The following STEAP1B variants were observed in gnomAD, a reference collection of about 807,000 sequenced individuals.
The protein encoded by STEAP1B is STEAP family protein MGC87042.
STEAP1B carries 13 observed loss-of-function variants against 27.9 expected under a neutral mutation model. The ratio of observed to expected loss-of-function variants is 0.47; its 90% CI spans 0.30 to 0.74. STEAP1B has a LOEUF of 0.74. Among genes scored for constraint, STEAP1B ranks in the 30% least tolerant of loss-of-function variants. STEAP1B has a pLI of 0.06. For synonymous variants in STEAP1B, 86 were observed against 107.1 expected, an observed-to-expected ratio of 0.80 and a Z score of 1.22; for missense variants, 250 against 298.7, an observed-to-expected ratio of 0.84 and a Z score of 1.20.
chr7:22,454,868 T>TA (rs58286026), intron 4 of STEAP1B, among the ~76,000 whole-genome samples: 1 of 78,630 alleles, frequency 1.3e-5, no homozygotes, highest in African/African-American at 4.9e-5. Context: ...TATATATATT[T>TA]TTTTTTTTTT....
At chr7:22,499,714 C>T (rs573647294) in intron 1 of STEAP1B, among the ~76,000 whole-genome samples, 4 of 152,348 alleles carry the variant, frequency 2.6e-5, no homozygotes, top group African/African-American at 9.6e-5. Context: ...CGAGAAGTAG[C>T]ACGATTTTAA....
intron 4 of STEAP1B, among the ~76,000 whole-genome samples, chr7:22,461,543 G>A (rs564047023): frequency 9.2e-5 from 14 of 152,296 alleles, no homozygotes; most frequent in East Asian, 1.9e-4. Context: ...GATTATAGGC[G>A]TGAGCCACTG....
chr7:22,454,968 T>A (rs1229007884), intron 4 of STEAP1B, among the ~76,000 whole-genome samples: 1 of 151,556 alleles, frequency 6.6e-6, no homozygotes, highest in Admixed American at 6.6e-5. Context: ...GTTCAAGTGA[T>A]TCTTCTGCCT....
At chr7:22,459,952 T>C (rs1010009202) in intron 4 of STEAP1B, among the ~76,000 whole-genome samples, 2 of 152,180 alleles carry the variant, frequency 1.3e-5, no homozygotes, top group African/African-American at 4.8e-5. Context: ...TTCAGGTTGG[T>C]GGCCTGTGGA....
chr7:22,472,666 T>C (rs1785904910), intron 4 of STEAP1B, among the ~76,000 whole-genome samples: 1 of 152,238 alleles, frequency 6.6e-6, no homozygotes, highest in African/African-American at 2.4e-5. Flanking sequence ...GGCAGAGTTC[T>C]GGTGGTGAAA....
At chr7:22,468,720 A>T (rs1785829249) in intron 4 of STEAP1B, among the ~76,000 whole-genome samples, 1 of 152,244 alleles carries the variant, frequency 6.6e-6, no homozygotes, top group Non-Finnish European at 1.5e-5. Context: ...TTGCATAATG[A>T]TGTTCAGACA....
Position 22,442,220 on chromosome 7 carries a change from A to G in STEAP1B, c.763-22384T>C, listed in dbSNP as rs148239046. On this transcript the variant is annotated intron_variant, in intron 4 of 4. Coordinates refer to ENST00000678116, the MANE Select transcript of STEAP1B (RefSeq NM_001382447.1). ...GGAAGTGCCTACCACACAGCTTCAT[A>G]TTCATAGCCCAGGACTGAAAGGTTC... Among the ~76,000 whole-genome samples, 504 of 152,362 alleles carry G rather than the reference A, an allele frequency of 3.3e-3. 3 individuals are homozygous for G. Among genetic ancestry groups the G allele is most frequent in the African/African-American group, 0.012 (489 of 41,592 alleles).
At chr7:22,451,125 A>C (rs143473101) in intron 4 of STEAP1B, among the ~76,000 whole-genome samples, 11 of 152,162 alleles carry the variant, frequency 7.2e-5, no homozygotes, top group African/African-American at 2.7e-4. Context: ...TAAACCCAGG[A>C]GGCAGAGATT....
At chr7:22,463,702 G>C (rs1246001289) in intron 4 of STEAP1B, among the ~76,000 whole-genome samples, 1 of 152,086 alleles carries the variant, frequency 6.6e-6, no homozygotes, top group Non-Finnish European at 1.5e-5. Flanking sequence ...ACAAGCAATG[G>C]GGAAAGGATT....
intron 4 of STEAP1B, among the ~76,000 whole-genome samples, chr7:22,466,662 G>A (rs1195753141): frequency 1.3e-5 from 2 of 152,176 alleles, no homozygotes; most frequent in African/African-American, 4.8e-5. Flanking sequence ...CACAAGGACA[G>A]GCAAAACTCA....
intron 4 of STEAP1B, 60 bp from the exon 5 acceptor site, chr7:22,419,896 A>G (rs1431996924): frequency 1.3e-6 from 2 of 1,488,978 alleles, no homozygotes; most frequent in East Asian, 5.2e-5. Flanking sequence ...CACTATATTA[A>G]TTTGCGTCCA....
chr7:22,468,484 G>C (rs1785824592), intron 4 of STEAP1B, among the ~76,000 whole-genome samples: 1 of 152,126 alleles, frequency 6.6e-6, no homozygotes, highest in Non-Finnish European at 1.5e-5. Flanking sequence ...AAATCATTTG[G>C]CAGCTTTTTA....
intron 4 of STEAP1B, among the ~76,000 whole-genome samples, chr7:22,478,791 T>A (rs1786017361): frequency 6.6e-6 from 1 of 152,212 alleles, no homozygotes; most frequent in Non-Finnish European, 1.5e-5. Flanking sequence ...GCGACTACTT[T>A]GGGTCTTGTT....
chr7:22,419,580 A>T lies in STEAP1B; in HGVS notation c.*224T>A. On this transcript the variant is annotated 3_prime_UTR_variant, in exon 5 of 5. Transcript: ENST00000678116. The stretch of plus-strand genomic sequence containing the variant: ...GTAACAACCAACACAATCTCAGTGG[A>T]TTAGCACAACACATATGGACTTTTT... 2.6e-6 allele frequency: 1 copy of T among 392,128 alleles called. No individual in the cohort carries two copies. Among genetic ancestry groups the T allele is most frequent in the Non-Finnish European group, 4.6e-6 (1 of 218,122 alleles). The allele number at this position is 392,128 out of a possible 1,614,324, so 24.3% of individuals were successfully genotyped here. A position where few individuals can be genotyped will look rare whatever the true frequency, so the allele number is the denominator to read the frequency against.
intron 4 of STEAP1B, among the ~76,000 whole-genome samples, chr7:22,453,198 G>C (rs1785518610): frequency 6.6e-6 from 1 of 152,138 alleles, no homozygotes; most frequent in African/African-American, 2.4e-5. Context: ...GAAACTCTCT[G>C]CCATAGTCTA....
chr7:22,445,348 G>A (rs1015441732), intron 4 of STEAP1B, among the ~76,000 whole-genome samples: 2 of 152,330 alleles, frequency 1.3e-5, no homozygotes, highest in East Asian at 1.9e-4. Flanking sequence ...TCAGATCAAG[G>A]GGACTGACAT....
chr7:22,435,753 G>C (rs1785245649), intron 4 of STEAP1B, among the ~76,000 whole-genome samples: 1 of 152,220 alleles, frequency 6.6e-6, no homozygotes, highest in African/African-American at 2.4e-5. Flanking sequence ...GAGGTAAAGA[G>C]AGAAGTGAGC....
At chr7:22,426,837 G>A (rs1311147225) in intron 4 of STEAP1B, among the ~76,000 whole-genome samples, 1 of 152,208 alleles carries the variant, frequency 6.6e-6, no homozygotes, top group East Asian at 1.9e-4. Context: ...AGGCAATGAT[G>A]CATGCTAAGA....
At chr7:22,492,793 C>T in intron 3 of STEAP1B, 64 bp from the exon 4 acceptor site, 2 of 1,537,488 alleles carry the variant, frequency 1.3e-6, no homozygotes, top group Non-Finnish European at 1.7e-6. Context: ...ATGTGAATCT[C>T]CTTCTACACT....
Sources: gnomAD v4.1 joint callset for allele counts (sites outside exome capture counted in the v4.1 genomes callset) on GRCh38, gnomAD v4.1.1 for gene constraint, MANE v1.5 for transcripts, NCBI Gene and HGNC (gene_info 2026-07-23, HGNC 2026-07-21) for gene names.